The following NRG1 variants were observed in gnomAD, a reference collection of about 807,000 sequenced individuals.
NRG1 encodes the protein pro-neuregulin-1, membrane-bound isoform.
A neutral mutation model predicts 63.8 loss-of-function variants in NRG1; 18 were observed. That is an observed-to-expected ratio of 0.28 (90% CI 0.19 to 0.42). The LOEUF is 0.42. Among genes scored for constraint, NRG1 ranks in the 10% least tolerant of loss-of-function variants. The pLI is 1.00. For synonymous variants in NRG1, 302 were observed against 301.3 expected (o/e 1.00, Z -0.02); for missense variants, 762 against 814.7 (o/e 0.94, Z 0.79).
intron 1 of NRG1, among the ~76,000 whole-genome samples, chr8:32,128,264 A>C (rs1834364495): frequency 6.6e-6 from 1 of 151,870 alleles, no homozygotes. Flanking sequence ...TTGGAGATTG[A>C]GCTTTCCAGT....
intron 1 of NRG1, among the ~76,000 whole-genome samples, chr8:31,903,429 G>A (rs1401771583): frequency 3.3e-5 from 5 of 151,600 alleles, no homozygotes; most frequent in African/African-American, 4.8e-5. Flanking sequence ...GATTACAGAC[G>A]TGAGCCACCG....
intron 1 of NRG1, among the ~76,000 whole-genome samples, chr8:32,364,013 A>G (rs1206709925): frequency 6.6e-6 from 1 of 150,434 alleles, no homozygotes; most frequent in Non-Finnish European, 1.5e-5. Flanking sequence ...AGAACAAAAA[A>G]TGTACTATAA....
At position 32,644,555 on chromosome 8, in the gene NRG1, G is replaced by A. The variant is rs140930513; in HGVS notation, c.502+27670G>A. Among the ~76,000 whole-genome samples the A allele has an allele frequency of 6.5e-3, 982 of 152,058 alleles. 13 individuals carry two copies. The highest frequency in any genetic ancestry group is 0.022 in the African/African-American group (899 of 41,470). ...ATTTACATTCTTTTTCCAATTTGGCGGAAAAAAAGCAATGTTATAGGAAGC... is the reference window on the plus strand; with the variant it reads ...ATTTACATTCTTTTTCCAATTTGGCAGAAAAAAAGCAATGTTATAGGAAGC... On this transcript the variant is annotated intron_variant, in intron 5 of 11. Coordinates refer to ENST00000356819, the Ensembl canonical transcript of NRG1.
At position 32,267,118 on chromosome 8, in the gene NRG1, G is replaced by GGAAGGAGAAA. The variant is rs1851048914; in HGVS notation, c.38-328704_38-328703insGAAAGAAGGA. On this transcript the variant is annotated intron_variant, in intron 1 of 10. Transcript: ENST00000519301. ...AGAAAGGAAGGAAGGAAGGAGGGAA[G>GGAAGGAGAAA]GAAGGAAGGAAGGAGAAAGAAGGAA... Among the ~76,000 whole-genome samples the GGAAGGAGAAA allele has an allele frequency of 7.0e-3, 971 of 138,630 alleles. 5 individuals carry two copies. The highest frequency in any genetic ancestry group is 0.027 in the African/African-American group (894 of 33,082). 90.9% of individuals were successfully genotyped at this position (138,630 alleles called of 152,430 possible). A position where few individuals can be genotyped will look rare whatever the true frequency, so the allele number is the denominator to read the frequency against.
chr8:32,657,108 CAT>C (rs996147090), intron 5 of NRG1, among the ~76,000 whole-genome samples: 2 of 151,642 alleles, frequency 1.3e-5, no homozygotes, highest in African/African-American at 4.8e-5. Flanking sequence ...ACCAAATGTA[CAT>C]ATATGCATAT....
At chr8:32,117,343 A>G (rs764473447) in intron 1 of NRG1, among the ~76,000 whole-genome samples, 79 of 152,138 alleles carry the variant, frequency 5.2e-4, no homozygotes, top group Non-Finnish European at 8.5e-4. Context: ...AGTTGAATCC[A>G]TGCTTCTTTA....
intron 1 of NRG1, among the ~76,000 whole-genome samples, chr8:32,266,764 G>A (rs1006751768): frequency 6.6e-6 from 1 of 151,838 alleles, no homozygotes; most frequent in Non-Finnish European, 1.5e-5. Context: ...GGCTGGGTAG[G>A]GTGGCTCATG....
intron 1 of NRG1, among the ~76,000 whole-genome samples, chr8:32,242,905 C>T (rs1386533189): frequency 6.6e-6 from 1 of 152,098 alleles, no homozygotes; most frequent in Non-Finnish European, 1.5e-5. Context: ...GTACCACAAA[C>T]CAGGTGGCTC....
chr8:32,688,407 TCAAA>T (rs1174928286), intron 5 of NRG1, among the ~76,000 whole-genome samples: 1 of 152,178 alleles, frequency 6.6e-6, no homozygotes, highest in Non-Finnish European at 1.5e-5. Flanking sequence ...CGAGGATTTG[TCAAA>T]AGCAGCTTTT....
At chr8:31,703,228 G>C (rs2131201900) in intron 1 of NRG1, among the ~76,000 whole-genome samples, 1 of 151,458 alleles carries the variant, frequency 6.6e-6, no homozygotes, top group African/African-American at 2.4e-5. Context: ...CTGTAATTTT[G>C]TAATCTTTCC....
chr8:32,398,747 C>T (rs1812777062), intron 1 of NRG1, among the ~76,000 whole-genome samples: 2 of 152,074 alleles, frequency 1.3e-5, no homozygotes, highest in African/African-American at 4.8e-5. Flanking sequence ...ATTGTGGTAG[C>T]CTCCTGCCAT....
chr8:31,799,033 C>T (rs1821502710), intron 1 of NRG1, among the ~76,000 whole-genome samples: 1 of 151,992 alleles, frequency 6.6e-6, no homozygotes, highest in Non-Finnish European at 1.5e-5. Context: ...TTTGAAGTTT[C>T]CTAATTTATT....
chr8:32,544,677 ATCT>A (rs1832899402), upstream of NRG1, among the ~76,000 whole-genome samples: 2 of 92,020 alleles, frequency 2.2e-5, no homozygotes, highest in Non-Finnish European at 4.5e-5. Context: ...TAATTTTTGT[ATCT>A]TTTTTTTTTT....
rs183489331 is a variant in NRG1 at position 32,412,488 on chromosome 8, C to A, written c.38-183340C>A. 4.1e-3 allele frequency among the ~76,000 whole-genome samples: 443 copies of A among 107,126 alleles called. 7 individuals are homozygous for A. The highest frequency in any genetic ancestry group is 0.014 in the African/African-American group (426 of 29,706). 70.3% of individuals were successfully genotyped at this position (107,126 alleles called of 152,430 possible). A position where few individuals can be genotyped will look rare whatever the true frequency, so the allele number is the denominator to read the frequency against. ...TATATATATATATGAACAGATACAT[C>A]CTATTGGTTCTGTTTCTCTGGAGAA... On this transcript the variant is annotated intron_variant, in intron 1 of 10. Transcript: ENST00000519301.
intron 1 of NRG1, among the ~76,000 whole-genome samples, chr8:32,470,098 C>T (rs1823619923): frequency 1.4e-5 from 2 of 148,030 alleles, no homozygotes. Context: ...GTCTTGATCT[C>T]CTGACTTCAT....
At chr8:32,769,272 AG>A (rs982344051), downstream of NRG1, among the ~76,000 whole-genome samples, 7 of 152,212 alleles carry the variant, frequency 4.6e-5, no homozygotes, top group Admixed American at 4.6e-4. Flanking sequence ...ATAGTATTTG[AG>A]GCAGAAGCAC....
intron 1 of NRG1, among the ~76,000 whole-genome samples, chr8:32,115,141 C>T (rs1284795635): frequency 6.6e-6 from 1 of 151,918 alleles, no homozygotes; most frequent in Admixed American, 6.6e-5. Flanking sequence ...AGAGATTCTC[C>T]TGCCTCAGCC....
At chr8:32,583,572 G>C (rs1841084022) in intron 1 of NRG1, among the ~76,000 whole-genome samples, 1 of 152,058 alleles carries the variant, frequency 6.6e-6, no homozygotes, top group African/African-American at 2.4e-5. Context: ...GTGTCTTTAG[G>C]GATTCATGGG....
At chr8:31,918,254 G>T (rs945738246) in intron 1 of NRG1, among the ~76,000 whole-genome samples, 1 of 152,212 alleles carries the variant, frequency 6.6e-6, no homozygotes, top group African/African-American at 2.4e-5. Context: ...TAGTAGTGGT[G>T]AGAGAGGGCA....
Sources: allele counts gnomAD v4.1 joint callset (sites outside exome capture counted in the v4.1 genomes callset), GRCh38; gene constraint gnomAD v4.1.1; transcripts MANE v1.5; gene names NCBI Gene and HGNC (gene_info 2026-07-23, HGNC 2026-07-21).